The following NCKAP5 variants were observed in gnomAD, a reference collection of about 807,000 sequenced individuals.
NCKAP5 encodes the protein nck-associated protein 5.
Under a neutral mutation model 167.0 loss-of-function variants are expected in NCKAP5, and 92 were observed. The observed-to-expected ratio is 0.55, with a 90% CI of 0.47 to 0.66. The LOEUF (loss-of-function observed/expected upper bound fraction) is 0.66. Among genes scored for constraint, NCKAP5 ranks in the 30% least tolerant of loss-of-function variants. The pLI is 0.00. For missense variants in NCKAP5, 2,378 were observed against 2,315.0 expected (o/e 1.03, Z -0.56); for synonymous variants, 891 against 877.4 (o/e 1.02, Z -0.27).
At chr2:133,566,189 G>C (rs1443679488) in intron 1 of NCKAP5, among the ~76,000 whole-genome samples, 1 of 151,550 alleles carries the variant, frequency 6.6e-6, no homozygotes, top group Non-Finnish European at 1.5e-5. Context: ...AGAGAATGAA[G>C]TGGGAAGGAG....
At chr2:133,254,976 A>T (rs147552269) in intron 4 of NCKAP5, among the ~76,000 whole-genome samples, 3,396 of 152,188 alleles carry the variant, frequency 0.022, 61 homozygotes, top group Non-Finnish European at 0.035. Context: ...ACTTGAATTC[A>T]ACTTCTGACC....
At chr2:133,160,128 T>C (rs1389656668) in intron 5 of NCKAP5, among the ~76,000 whole-genome samples, 1 of 152,152 alleles carries the variant, frequency 6.6e-6, no homozygotes, top group African/African-American at 2.4e-5. Context: ...CATAGAACAA[T>C]AGAAATGTAT....
chr2:132,988,460 C>CAAAAAAAAAAAA (rs57024269), intron 7 of NCKAP5, among the ~76,000 whole-genome samples: 1 of 70,626 alleles, frequency 1.4e-5, no homozygotes, highest in Non-Finnish European at 2.9e-5. Flanking sequence ...GACTTTGCCT[C>CAAAAAAAAAAAA]AAAAAAAAAA....
At chr2:133,155,624 A>C (rs992026175) in intron 5 of NCKAP5, among the ~76,000 whole-genome samples, 1 of 152,184 alleles carries the variant, frequency 6.6e-6, no homozygotes, top group Non-Finnish European at 1.5e-5. Flanking sequence ...GTTTCTATGC[A>C]GGTATTTTTT....
intron 8 of NCKAP5, among the ~76,000 whole-genome samples, chr2:132,887,112 C>A (rs76504719): frequency 6.6e-6 from 1 of 151,992 alleles, no homozygotes; most frequent in Admixed American, 6.6e-5. Flanking sequence ...AAGTATCTTG[C>A]GGCAAGGTAC....
At chr2:133,290,728 C>CTTTTTTTTTTTTTTTT (rs58758295) in intron 4 of NCKAP5, among the ~76,000 whole-genome samples, 16 of 89,342 alleles carry the variant, frequency 1.8e-4, no homozygotes, top group East Asian at 3.4e-4. Flanking sequence ...AGAATTTCTC[C>CTTTTTTTTTTTTTTTT]TTTTTTTTTT....
At chr2:133,367,304 G>C (rs1685513475) in intron 3 of NCKAP5, among the ~76,000 whole-genome samples, 1 of 152,168 alleles carries the variant, frequency 6.6e-6, no homozygotes, top group Admixed American at 6.5e-5. Context: ...GTGACCTTGG[G>C]GTGGGGTGAG....
At chr2:132,772,111 C>T (rs575056169) in intron 16 of NCKAP5, among the ~76,000 whole-genome samples, 3 of 152,148 alleles carry the variant, frequency 2.0e-5, no homozygotes, top group East Asian at 1.9e-4. Flanking sequence ...TGTACAGGCT[C>T]GTAGCCTAGG....
At chr2:133,079,590 G>C (rs886295137) in intron 6 of NCKAP5, among the ~76,000 whole-genome samples, 7 of 151,996 alleles carry the variant, frequency 4.6e-5, no homozygotes, top group African/African-American at 1.7e-4. Context: ...ATCTCTTAGG[G>C]TTATTTTTGC....
At chr2:133,279,848 T>C (rs2150457267) in intron 4 of NCKAP5, among the ~76,000 whole-genome samples, 1 of 152,352 alleles carries the variant, frequency 6.6e-6, no homozygotes. Flanking sequence ...TGAAGATGAA[T>C]GTTCTTGTCT....
At chr2:133,201,479 T>C (rs1457093124) in intron 5 of NCKAP5, among the ~76,000 whole-genome samples, 1 of 152,152 alleles carries the variant, frequency 6.6e-6, no homozygotes, top group East Asian at 1.9e-4. Flanking sequence ...ACTGTAAACA[T>C]TTACATAAAG....
intron 5 of NCKAP5, among the ~76,000 whole-genome samples, chr2:133,159,371 A>C (rs953648864): frequency 3.3e-5 from 5 of 152,206 alleles, no homozygotes; most frequent in African/African-American, 1.2e-4. Context: ...CAGCAGACCA[A>C]AACTTGATTT....
At position 132,838,432 on chromosome 2, in the gene NCKAP5, C is replaced by T. The variant is rs370691427; in HGVS notation, c.807+22060G>A. On this transcript the variant is annotated intron_variant, in intron 11 of 19. Transcript: ENST00000409261. ...GGATCACGAGGTCAGGAGATTGAGA[C>T]CATCCTGGCTAACGTGGTGAAACCC... is the stretch of plus-strand genomic sequence containing the variant. Among the ~76,000 whole-genome samples, 35 of 152,168 alleles carry T rather than the reference C, an allele frequency of 2.3e-4. No individual in the cohort carries two copies. The East Asian group carries it at 5.8e-3, about 25-fold the overall frequency.
At chr2:132,852,735 T>C (rs1689169800) in intron 11 of NCKAP5, among the ~76,000 whole-genome samples, 1 of 152,196 alleles carries the variant, frequency 6.6e-6, no homozygotes, top group South Asian at 2.1e-4. Flanking sequence ...TTGGAAACTG[T>C]TACCCTAGCA....
intron 11 of NCKAP5, among the ~76,000 whole-genome samples, chr2:132,815,647 G>A (rs1345482502): frequency 1.3e-5 from 2 of 152,124 alleles, no homozygotes; most frequent in East Asian, 3.9e-4. Flanking sequence ...TAACTTGAAT[G>A]TACAAAAATT....
chr2:133,109,589 A>C (rs1255197323), intron 6 of NCKAP5, among the ~76,000 whole-genome samples: 1 of 152,196 alleles, frequency 6.6e-6, no homozygotes, highest in Non-Finnish European at 1.5e-5. Context: ...TTAAAAATCT[A>C]GGTTTCATTT....
chr2:132,988,052 GTCTATGC>G (rs1248519900), intron 7 of NCKAP5, among the ~76,000 whole-genome samples: 1 of 152,192 alleles, frequency 6.6e-6, no homozygotes, highest in Non-Finnish European at 1.5e-5. Context: ...CAGATAAGTG[GTCTATGC>G]TATACCTCAT....
chr2:133,067,318 C>A (rs528257624), intron 6 of NCKAP5, among the ~76,000 whole-genome samples: 1 of 152,296 alleles, frequency 6.6e-6, no homozygotes, highest in South Asian at 2.1e-4. Flanking sequence ...CTAAGATATT[C>A]TAATGCTACT....
chr2:132,894,273 A>G (rs1244085365), intron 8 of NCKAP5, among the ~76,000 whole-genome samples: 1 of 152,246 alleles, frequency 6.6e-6, no homozygotes, highest in Non-Finnish European at 1.5e-5. Context: ...CAGATTCATC[A>G]GCTCCTAACC....
Sources: gnomAD v4.1 joint callset for allele counts (sites outside exome capture counted in the v4.1 genomes callset) on GRCh38, gnomAD v4.1.1 for gene constraint, MANE v1.5 for transcripts, NCBI Gene and HGNC (gene_info 2026-07-23, HGNC 2026-07-21) for gene names.